Variants in EIF3A observed in about 807,000 individuals in gnomAD.
EIF3A encodes the protein eukaryotic translation initiation factor 3 subunit A, also known as EIF3, p180 subunit.
A neutral mutation model predicts 186.6 loss-of-function variants in EIF3A; 21 were observed. The ratio of observed to expected loss-of-function variants is 0.11; its 90% CI spans 0.08 to 0.16. The LOEUF is 0.16. Ranked by LOEUF, EIF3A falls within the 10% of genes least tolerant of loss-of-function variation. The pLI is 1.00. For synonymous variants in EIF3A, 563 were observed against 584.3 expected (o/e 0.96, Z 0.52); for missense variants, 1,306 against 1,796.3 (o/e 0.73, Z 4.93).
rs116503709 is a variant in EIF3A at position 119,060,299 on chromosome 10, T to G, written c.1326+447A>C. Among the ~76,000 whole-genome samples the G allele has an allele frequency of 5.1e-3, 779 of 152,346 alleles. 6 individuals carry two copies. Among genetic ancestry groups the G allele is most frequent in the African/African-American group, 0.017 (726 of 41,570 alleles). ...GGGTCTATTAATCCAGGCTTCTGAA[T>G]AGCTATTAAAGCTTTAAATCCATAA... On this transcript the variant is annotated intron_variant, in intron 9 of 21. Coordinates refer to ENST00000369144, the MANE Select transcript of EIF3A (RefSeq NM_003750.4).
rs1300430536 is a variant in EIF3A, at chr10:119,060,837, T to C, written c.1235A>G (p.Asn412Ser). 5.0e-6 allele frequency: 8 copies of C among 1,603,830 alleles called. No individual in the cohort carries two copies. In the Admixed American group the frequency reaches 5.1e-5, roughly 10 times the overall value. Residue 412 changes from asparagine to serine, a missense_variant, in exon 9 of 22, where the codon AAT becomes AGT. Asn to Ser is a conservative substitution (Grantham distance 46, BLOSUM62 1). Coordinates refer to ENST00000369144, the MANE Select transcript of EIF3A (RefSeq NM_003750.4). ...KLCERVTKVL[N>S]WVREQPEKEP... Reference sequence around the variant, plus strand: ...CTTTTCAGGTTGTTCCCTAACCCAATTTAGAACCTATAAAATCCATTAAAT... The same window carrying C: ...CTTTTCAGGTTGTTCCCTAACCCAACTTAGAACCTATAAAATCCATTAAAT...
intron 19 of EIF3A, among the ~76,000 whole-genome samples, chr10:119,040,176 T>C (rs1042227955): frequency 6.6e-5 from 10 of 152,162 alleles, no homozygotes; most frequent in African/African-American, 2.4e-4. Flanking sequence ...GCTCTGGTTA[T>C]TTCCCTGACA....
chr10:119,056,338 G>A (rs2119819171), intron 14 of EIF3A, among the ~76,000 whole-genome samples: 1 of 152,310 alleles, frequency 6.6e-6, no homozygotes, highest in East Asian at 1.9e-4. Context: ...GGTTGCCTAG[G>A]GCTGGGGTGG....
intron 17 of EIF3A, among the ~76,000 whole-genome samples, chr10:119,045,426 C>T (rs1308493947): frequency 6.6e-6 from 1 of 152,130 alleles, no homozygotes; most frequent in Admixed American, 6.5e-5. Context: ...CAAGTAAACA[C>T]CTTGAGAGAA....
At chr10:119,061,188 T>C (rs753131358) in intron 8 of EIF3A, 36 bp downstream of exon 8, 13 of 1,234,168 alleles carry the variant, frequency 1.1e-5, no homozygotes, top group Non-Finnish European at 1.5e-5. Flanking sequence ...AGGCCAACTC[T>C]GTGGTAACAA....
Position 119,080,682 on chromosome 10 carries a change from C to T in EIF3A, c.-6G>A, listed in dbSNP as rs1440244197. Reference sequence around the variant, plus strand: ...CTCTGAAAATAGGCCGGCATCTTGGCGGCAGGCTCAGCTCACCCGGCGTCA... The same window carrying T: ...CTCTGAAAATAGGCCGGCATCTTGGTGGCAGGCTCAGCTCACCCGGCGTCA... On this transcript the variant is annotated 5_prime_UTR_variant, in exon 1 of 22. Transcript: ENST00000369144. The T allele has an allele frequency of 6.3e-7, 1 of 1,593,168 alleles. No homozygotes were observed. The highest frequency in any genetic ancestry group is 1.1e-5 in the South Asian group (1 of 87,764).
rs756714205 is a variant in EIF3A at position 119,058,288 on chromosome 10, GTTC to G, written c.1642_1644del (p.Glu548del). Reference sequence around the variant, plus strand: ...TATGCAGTGACAGCCAACTGATGCTGTTCTTCTTTCTCTTGCTTCAAAAACAAA... The same window carrying G: ...TATGCAGTGACAGCCAACTGATGCTGTTCTTTCTCTTGCTTCAAAAACAAA... On this transcript the variant is annotated inframe_deletion, in exon 12 of 22. Coordinates refer to ENST00000369144, the MANE Select transcript of EIF3A (RefSeq NM_003750.4). The G allele has an allele frequency of 1.4e-5, 22 of 1,585,566 alleles. No individual in the cohort carries two copies. The highest frequency in any genetic ancestry group is 2.3e-5 in the East Asian group (1 of 44,364).
At chr10:119,070,569 C>G (rs1352467606) in intron 5 of EIF3A, among the ~76,000 whole-genome samples, 1 of 152,116 alleles carries the variant, frequency 6.6e-6, no homozygotes, top group African/African-American at 2.4e-5. Context: ...CTTATTTCAT[C>G]ACAGACCAGA....
chr10:119,059,076 C>A, intron 11 of EIF3A, 136 bp downstream of exon 11: 2 of 717,836 alleles, frequency 2.8e-6, no homozygotes, highest in African/African-American at 1.8e-5. Flanking sequence ...ACAAAACTAC[C>A]AAGTACAATT....
chr10:119,037,054 C>T, intron 21 of EIF3A, 65 bp downstream of exon 21: 1 of 932,762 alleles, frequency 1.1e-6, no homozygotes. Flanking sequence ...AATTAAATAA[C>T]CCAAATCCCC....
chr10:119,060,755 A>G lies in EIF3A; in HGVS notation c.1317T>C (p.Leu439=). The change falls in exon 9 of 22, where the codon CTT becomes CTC. Residue 439 remains leucine, a synonymous_variant. Transcript: ENST00000369144. The stretch of plus-strand genomic sequence containing the variant: ...ATTTTTTTATTTTTACCTGCTGCAG[A>G]AGGCGGAGGATGGTGTTGTTTTGCA... ...PQLQNNTILR[L]LQQVSQIYQS... is the part of the protein sequence containing the mutation. 1.3e-6 allele frequency: 2 copies of G among 1,599,336 alleles called. No individual in the cohort carries two copies. The highest frequency in any genetic ancestry group is 1.7e-6 in the Non-Finnish European group (2 of 1,175,360).
At position 119,073,484 on chromosome 10, in the gene EIF3A, C is replaced by T. The variant is rs761319152; in HGVS notation, c.334G>A (p.Val112Ile). The T allele has an allele frequency of 1.2e-6, 2 of 1,606,644 alleles. No individual in the cohort carries two copies. Among genetic ancestry groups the T allele is most frequent in the Non-Finnish European group, 1.7e-6 (2 of 1,173,376 alleles). The change falls in exon 3 of 22, where the codon GTC becomes ATC. Residue 112 changes from valine (V) to isoleucine (I), a missense_variant. Val to Ile is a conservative substitution (Grantham distance 29). Transcript: ENST00000369144. ...TTATCTAGATCCTCTATATCTAAGA[C>T]CATCTGCTGAGATTCTTCTTTAGCA... is the stretch of plus-strand genomic sequence containing the variant. The part of the protein sequence containing the change: ...EAAKEESQQM[V>I]LDIEDLDNIQ...
chr10:119,049,158 T>A (rs1848321498), intron 17 of EIF3A, among the ~76,000 whole-genome samples: 1 of 152,008 alleles, frequency 6.6e-6, no homozygotes, highest in Non-Finnish European at 1.5e-5. Context: ...ACTACCACAT[T>A]AAAAAGAGCG....
intron 18 of EIF3A, among the ~76,000 whole-genome samples, chr10:119,043,850 G>A (rs904171884): frequency 9.9e-5 from 15 of 152,080 alleles, no homozygotes; most frequent in Non-Finnish European, 1.9e-4. Context: ...GGCAGAGGTT[G>A]CAGGGAGCCG....
intron 5 of EIF3A, among the ~76,000 whole-genome samples, chr10:119,070,622 G>C (rs1844056541): frequency 6.6e-6 from 1 of 152,206 alleles, no homozygotes; most frequent in Admixed American, 6.5e-5. Flanking sequence ...ACTTCGAGCA[G>C]CACTGGCAAT....
intron 11 of EIF3A, 122 bp from the exon 12 acceptor site, chr10:119,058,425 A>C: frequency 2.9e-6 from 2 of 695,338 alleles, no homozygotes; most frequent in South Asian, 3.9e-5. Flanking sequence ...TTGATAATGG[A>C]AGATGACACT....
At chr10:119,037,438 C>T in intron 20 of EIF3A, 129 bp from the exon 21 acceptor site, 1 of 769,876 alleles carries the variant, frequency 1.3e-6, no homozygotes, top group Admixed American at 2.8e-5. Flanking sequence ...ATAACCTGAC[C>T]TTACCTGATG....
intron 15 of EIF3A, 142 bp downstream of exon 15, chr10:119,051,053 GAAAT>G (rs1848349396): frequency 2.9e-6 from 2 of 681,050 alleles, no homozygotes; most frequent in Non-Finnish European, 4.6e-6. Flanking sequence ...TTTTGCTTAT[GAAAT>G]ATCATCCAAA....
Position 119,036,057 on chromosome 10 carries a change from C to T in EIF3A, c.4131G>A (p.Trp1377Ter). The part of the protein sequence containing the change: ...RTKNETDEDG[W>*]TTVRR ...TTGAGACTTAACGTCGTACTGTGGT[C>T]CATCCATCTTCATCAGTCTCATTTT... The change falls in exon 22 of 22, where the codon TGG (tryptophan) becomes TGA (stop). Residue 1377 changes from tryptophan to a stop codon, truncating the protein, a stop_gained. Coordinates refer to ENST00000369144, the MANE Select transcript of EIF3A (RefSeq NM_003750.4). LOFTEE classifies it high-confidence loss of function. The T allele has an allele frequency of 6.2e-7, 1 of 1,613,738 alleles. No individual in the cohort carries two copies. The highest frequency in any genetic ancestry group is 1.3e-5 in the African/African-American group (1 of 75,022).
Sources: gnomAD v4.1 joint callset for allele counts (sites outside exome capture counted in the v4.1 genomes callset) on GRCh38, gnomAD v4.1.1 for gene constraint, MANE v1.5 for transcripts, NCBI Gene and HGNC (gene_info 2026-07-23, HGNC 2026-07-21) for gene names.